Variants in BMPR2 observed in about 807,000 individuals in gnomAD.
BMPR2 encodes the protein bone morphogenetic protein receptor type 2, also known as bone morphogenetic protein receptor type-2.
A neutral mutation model predicts 100.8 loss-of-function variants in BMPR2; 29 were observed. The ratio of observed to expected loss-of-function variants is 0.29; its 90% confidence interval spans 0.21 to 0.39. The LOEUF (loss-of-function observed/expected upper bound fraction) is 0.39, where lower values mean the gene tolerates loss of function less well. BMPR2 is among the 10% of genes least tolerant of loss of function. The pLI is 1.00. For synonymous variants in BMPR2, 382 were observed against 442.3 expected (o/e 0.86, Z 1.71); for missense variants, 1,011 against 1,274.5 (o/e 0.79, Z 3.15).
At chr2:202,534,221 GTA>G (rs952251980) in intron 9 of BMPR2, among the ~76,000 whole-genome samples, 55 of 140,742 alleles carry the variant, frequency 3.9e-4, no homozygotes, top group East Asian at 3.4e-3. Flanking sequence ...GTGTGTGTGT[GTA>G]TATATATATA....
chr2:202,486,283 A>G (rs887739830), intron 3 of BMPR2, among the ~76,000 whole-genome samples: 1 of 152,196 alleles, frequency 6.6e-6, no homozygotes, highest in East Asian at 1.9e-4. Flanking sequence ...GAAATTGTCT[A>G]CTTACCTATC....
At chr2:202,410,521 T>C (rs950321414) in intron 1 of BMPR2, among the ~76,000 whole-genome samples, 7 of 152,240 alleles carry the variant, frequency 4.6e-5, no homozygotes, top group Admixed American at 1.3e-4. Context: ...CCATAGAATA[T>C]AATAAATATC....
chr2:202,473,302 G>A (rs1049830515), intron 3 of BMPR2, among the ~76,000 whole-genome samples: 7 of 151,878 alleles, frequency 4.6e-5, no homozygotes, highest in Non-Finnish European at 7.4e-5. Flanking sequence ...GCATAGTGGC[G>A]CACACCTGTG....
rs908429014 is a variant in BMPR2, at chr2:202,561,334, C to T, written c.*1388C>T. The T allele has an allele frequency of 1.3e-5, 2 of 152,052 alleles. No homozygotes were observed. The highest frequency in any genetic ancestry group is 2.9e-5 in the Non-Finnish European group (2 of 67,972). The allele number at this position is 152,052 out of a possible 1,614,324, so 9.4% of individuals were successfully genotyped here. ...CACATTATCTTTGATATGTGAGCAA[C>T]ATTTATTATTTACATTAGAGTATAC... On this transcript the variant is annotated 3_prime_UTR_variant, in exon 13 of 13. Transcript: ENST00000374580.
chr2:202,419,566 A>G (rs1341554540), intron 1 of BMPR2, among the ~76,000 whole-genome samples: 2 of 152,084 alleles, frequency 1.3e-5, no homozygotes, highest in African/African-American at 4.8e-5. Flanking sequence ...CATCTTGGCC[A>G]GGCTGGTCTT....
At chr2:202,450,005 G>C (rs1691944347) in intron 1 of BMPR2, among the ~76,000 whole-genome samples, 1 of 152,160 alleles carries the variant, frequency 6.6e-6, no homozygotes, top group Non-Finnish European at 1.5e-5. Flanking sequence ...AGCAATCTGG[G>C]GGGCTGAGGC....
chr2:202,400,550 A>G (rs1690751289), intron 1 of BMPR2, among the ~76,000 whole-genome samples: 1 of 152,176 alleles, frequency 6.6e-6, no homozygotes, highest in South Asian at 2.1e-4. Flanking sequence ...TTTTAAAAGT[A>G]CTGGTAGAGG....
intron 3 of BMPR2, among the ~76,000 whole-genome samples, chr2:202,484,331 T>TTTCC (rs1451281348): frequency 1.2e-4 from 18 of 148,348 alleles, no homozygotes; most frequent in African/African-American, 4.6e-4. Flanking sequence ...GTGTCTAATA[T>TTTCC]TTCCTTCCTT....
chr2:202,540,647 A>G (rs1688252415), intron 9 of BMPR2, among the ~76,000 whole-genome samples: 1 of 152,226 alleles, frequency 6.6e-6, no homozygotes, highest in African/African-American at 2.4e-5. Context: ...AACTTAAATG[A>G]AACATAAACT....
intron 1 of BMPR2, among the ~76,000 whole-genome samples, chr2:202,382,140 A>G (rs931028076): frequency 6.7e-6 from 1 of 148,700 alleles, no homozygotes; most frequent in Non-Finnish European, 1.5e-5. Context: ...ACTCATTACA[A>G]CCTCCACCTC....
At chr2:202,553,798 C>T (rs1047295575) in intron 11 of BMPR2, among the ~76,000 whole-genome samples, 8 of 152,120 alleles carry the variant, frequency 5.3e-5, no homozygotes, top group African/African-American at 1.9e-4. Flanking sequence ...AAGCGATTCT[C>T]CTGCCTCGGC....
intron 3 of BMPR2, among the ~76,000 whole-genome samples, chr2:202,479,571 C>T (rs1466832454): frequency 6.6e-6 from 1 of 152,152 alleles, no homozygotes. Context: ...CCATTATCAA[C>T]ATTCCCACCA....
intron 1 of BMPR2, among the ~76,000 whole-genome samples, chr2:202,440,898 A>G (rs1691725890): frequency 6.6e-6 from 1 of 150,566 alleles, no homozygotes; most frequent in Admixed American, 6.6e-5. Flanking sequence ...TAATCATGAA[A>G]TGGTGTTGTA....
intron 9 of BMPR2, among the ~76,000 whole-genome samples, chr2:202,538,286 T>G (rs1688202002): frequency 6.6e-6 from 1 of 151,114 alleles, no homozygotes; most frequent in Non-Finnish European, 1.5e-5. Flanking sequence ...AAAGCCTATC[T>G]CTACTAAAAA....
intron 1 of BMPR2, among the ~76,000 whole-genome samples, chr2:202,458,215 G>A (rs1237549762): frequency 6.9e-6 from 1 of 145,898 alleles, no homozygotes; most frequent in East Asian, 2.0e-4. Flanking sequence ...CGGAGGCCAA[G>A]GCAGGAGGAT....
At chr2:202,501,445 A>T (rs1687388769) in intron 3 of BMPR2, among the ~76,000 whole-genome samples, 1 of 152,238 alleles carries the variant, frequency 6.6e-6, no homozygotes, top group African/African-American at 2.4e-5. Context: ...TACAAGCTCC[A>T]GCTTTAAGGC....
At chr2:202,409,760 A>G (rs1443236216) in intron 1 of BMPR2, among the ~76,000 whole-genome samples, 4 of 152,206 alleles carry the variant, frequency 2.6e-5, no homozygotes, top group Admixed American at 1.3e-4. Context: ...TTATAAGGCT[A>G]AAGACAAAAA....
At chr2:202,472,938 G>A (rs1332193182) in intron 3 of BMPR2, among the ~76,000 whole-genome samples, 4 of 152,298 alleles carry the variant, frequency 2.6e-5, no homozygotes, top group African/African-American at 9.6e-5. Flanking sequence ...AACAAGATCA[G>A]TTTTGGCTTT....
intron 3 of BMPR2, among the ~76,000 whole-genome samples, chr2:202,470,770 C>CAAAAA (rs35813080): frequency 3.1e-5 from 2 of 65,436 alleles, no homozygotes; most frequent in African/African-American, 6.0e-5. Flanking sequence ...GACTCCGTCT[C>CAAAAA]AAAAAAAAAA....
Sources: allele counts gnomAD v4.1 joint callset (sites outside exome capture counted in the v4.1 genomes callset), GRCh38; gene constraint gnomAD v4.1.1; transcripts MANE v1.5; gene names NCBI Gene and HGNC (gene_info 2026-07-23, HGNC 2026-07-21).